PTPRD: variants seen among roughly 807,000 people sequenced by gnomAD.
PTPRD encodes receptor-type tyrosine-protein phosphatase delta.
A neutral mutation model predicts 214.5 loss-of-function variants in PTPRD; 34 were observed. The observed-to-expected ratio is 0.16, with a 90% CI of 0.12 to 0.21. The LOEUF (loss-of-function observed/expected upper bound fraction) is 0.21. Among genes scored for constraint, PTPRD ranks in the 10% least tolerant of loss-of-function variants. The pLI, the probability that PTPRD is intolerant of heterozygous loss-of-function variation, is 1.00. For missense variants in PTPRD, 2,545 were observed against 2,398.7 expected (o/e 1.06, Z -1.27); for synonymous variants, 1,128 against 845.7 (o/e 1.33, Z -5.79).
Position 9,738,727 on chromosome 9 carries a change from C to G in PTPRD, c.-325-4156G>C, listed in dbSNP as rs190596413. Among the ~76,000 whole-genome samples the G allele has an allele frequency of 6.6e-5, 10 of 152,188 alleles. No individual in the cohort carries two copies. In the East Asian group the frequency reaches 1.9e-3, roughly 29 times the overall value. On this transcript the variant is annotated intron_variant, in intron 6 of 45. Coordinates refer to ENST00000381196, the MANE Select transcript of PTPRD (RefSeq NM_002839.4). ...AAAGTGCTGGGATTACAGGCGTGAA[C>G]CACCACACCTGACCTCTTTGCTCAC...
At chr9:9,468,552 G>C (rs2094377767) in intron 8 of PTPRD, among the ~76,000 whole-genome samples, 1 of 151,758 alleles carries the variant, frequency 6.6e-6, no homozygotes, top group Non-Finnish European at 1.5e-5. Context: ...TTCTTGATTA[G>C]GACATATCAG....
chr9:9,524,142 G>A (rs2073422434), intron 8 of PTPRD, among the ~76,000 whole-genome samples: 1 of 152,166 alleles, frequency 6.6e-6, no homozygotes, highest in African/African-American at 2.4e-5. Context: ...AGCCAGCAAA[G>A]GGAAAGTACC....
At chr9:10,516,899 T>G (rs1166571612) in intron 2 of PTPRD, among the ~76,000 whole-genome samples, 2 of 151,974 alleles carry the variant, frequency 1.3e-5, no homozygotes, top group Admixed American at 6.6e-5. Flanking sequence ...GTGCTTTCAC[T>G]TCTGGATTTG....
At chr9:10,031,827 G>T (rs1395166039) in intron 4 of PTPRD, among the ~76,000 whole-genome samples, 2 of 151,434 alleles carry the variant, frequency 1.3e-5, no homozygotes, top group Non-Finnish European at 2.9e-5. Flanking sequence ...TTTCAGAAAG[G>T]TATGCATATT....
At chr9:10,114,362 A>G (rs1034018881) in intron 3 of PTPRD, among the ~76,000 whole-genome samples, 1 of 152,132 alleles carries the variant, frequency 6.6e-6, no homozygotes, top group African/African-American at 2.4e-5. Flanking sequence ...AAGCTTTCCT[A>G]TATTTTCTTG....
At position 9,789,523 on chromosome 9, in the gene PTPRD, T is replaced by C. The variant is rs187581204; in HGVS notation, c.-367-22672A>G. Among the ~76,000 whole-genome samples the C allele has an allele frequency of 6.4e-3, 966 of 151,952 alleles. 6 individuals carry two copies. Among genetic ancestry groups the C allele is most frequent in the Middle Eastern group, 0.01 (3 of 294 alleles). On this transcript the variant is annotated intron_variant, in intron 5 of 45. Transcript: ENST00000381196. ...GATTAAAACTTTTAAATCGGCCAGG[T>C]GCGGTGGCTCACGCCTGTAATCCCA...
intron 32 of PTPRD, among the ~76,000 whole-genome samples, chr9:8,463,279 T>C (rs1407291056): frequency 1.8e-5 from 2 of 110,298 alleles, no homozygotes; most frequent in African/African-American, 7.3e-5. Flanking sequence ...AAAAACTCAG[T>C]ATATATGTCC....
chr9:9,593,196 G>GTT (rs56345514), intron 7 of PTPRD, among the ~76,000 whole-genome samples: 1 of 146,522 alleles, frequency 6.8e-6, no homozygotes, highest in African/African-American at 2.5e-5. Context: ...TACCAGTTTT[G>GTT]TTTTTTTTTT....
intron 4 of PTPRD, among the ~76,000 whole-genome samples, chr9:9,986,707 A>G (rs1272928374): frequency 6.6e-6 from 1 of 152,192 alleles, no homozygotes; most frequent in African/African-American, 2.4e-5. Flanking sequence ...TAACACATTT[A>G]CTTTTTAAAA....
chr9:8,998,003 C>G (rs866865020), intron 11 of PTPRD, among the ~76,000 whole-genome samples: 1 of 151,904 alleles, frequency 6.6e-6, no homozygotes, highest in Non-Finnish European at 1.5e-5. Flanking sequence ...AAGGAAGCTG[C>G]AGAAGAAAAG....
chr9:10,004,898 G>C (rs1045490208), intron 4 of PTPRD, among the ~76,000 whole-genome samples: 2 of 152,080 alleles, frequency 1.3e-5, no homozygotes, highest in African/African-American at 4.8e-5. Context: ...CGAAGGACTG[G>C]CTCTAGCAAA....
At chr9:8,830,176 A>G (rs574885163) in intron 11 of PTPRD, among the ~76,000 whole-genome samples, 81 of 152,298 alleles carry the variant, frequency 5.3e-4, no homozygotes, top group African/African-American at 1.5e-3. Flanking sequence ...GAGGCAAAGC[A>G]CATAAAATGA....
At chr9:8,587,782 C>G (rs993957034) in intron 14 of PTPRD, among the ~76,000 whole-genome samples, 4 of 152,128 alleles carry the variant, frequency 2.6e-5, no homozygotes, top group African/African-American at 7.2e-5. Flanking sequence ...GAGGAAAACA[C>G]TTAGTAGGAA....
chr9:9,312,962 C>G (rs1439424009), intron 9 of PTPRD, among the ~76,000 whole-genome samples: 3 of 152,154 alleles, frequency 2.0e-5, no homozygotes, highest in Non-Finnish European at 4.4e-5. Context: ...ACTATGGCTA[C>G]CATTACTCAT....
At chr9:8,552,881 C>T (rs1030932880) in intron 14 of PTPRD, among the ~76,000 whole-genome samples, 5 of 152,206 alleles carry the variant, frequency 3.3e-5, no homozygotes, top group African/African-American at 1.2e-4. Flanking sequence ...AGCCCCACGA[C>T]TGCCGCTGTG....
chr9:9,945,944 T>C (rs780721427), intron 4 of PTPRD, among the ~76,000 whole-genome samples: 2 of 144,828 alleles, frequency 1.4e-5, no homozygotes, highest in Non-Finnish European at 3.0e-5. Flanking sequence ...ACTATTATTG[T>C]AAAATTTAAA....
intron 10 of PTPRD, among the ~76,000 whole-genome samples, chr9:9,028,884 C>T (rs979382186): frequency 2.0e-5 from 3 of 151,334 alleles, no homozygotes; most frequent in African/African-American, 4.9e-5. Flanking sequence ...TAATTACGAT[C>T]GAAGGAGAAC....
At chr9:8,991,117 G>C (rs1302884352) in intron 11 of PTPRD, among the ~76,000 whole-genome samples, 1 of 151,712 alleles carries the variant, frequency 6.6e-6, no homozygotes, top group Non-Finnish European at 1.5e-5. Context: ...TACTCGGGAG[G>C]CTGAGGCAGG....
intron 3 of PTPRD, among the ~76,000 whole-genome samples, chr9:10,221,145 A>G (rs1046919783): frequency 1.3e-5 from 2 of 150,364 alleles, no homozygotes; most frequent in African/African-American, 4.9e-5. Flanking sequence ...TTCCCTATCA[A>G]TGTCTTCCTA....
Sources: allele counts gnomAD v4.1 joint callset (sites outside exome capture counted in the v4.1 genomes callset), GRCh38; gene constraint gnomAD v4.1.1; transcripts MANE v1.5; gene names NCBI Gene and HGNC (gene_info 2026-07-23, HGNC 2026-07-21).